The following CDK8 variants were observed in gnomAD, a reference collection of about 807,000 sequenced individuals.
The protein encoded by CDK8 is cyclin-dependent kinase 8.
In CDK8, 29 loss-of-function variants were observed where a neutral mutation model predicts 71.5. That is an observed-to-expected ratio of 0.41 (90% confidence interval 0.30 to 0.55). The LOEUF is 0.55. Among genes scored for constraint, CDK8 ranks in the 20% least tolerant of loss-of-function variants. The probability of loss-of-function intolerance (pLI) is 0.37; values close to 1 mark genes in which losing one functional copy is unlikely to be tolerated. For synonymous variants in CDK8, 161 were observed against 192.1 expected, an observed-to-expected ratio of 0.84 and a Z score of 1.34; for missense variants, 288 against 572.6, an observed-to-expected ratio of 0.50 and a Z score of 5.07.
At chr13:26,289,411 G>A (rs182629118) in intron 1 of CDK8, among the ~76,000 whole-genome samples, 1 of 151,892 alleles carries the variant, frequency 6.6e-6, no homozygotes, top group African/African-American at 2.4e-5. Flanking sequence ...TTTATACGTA[G>A]GTATTTGATG....
intron 1 of CDK8, among the ~76,000 whole-genome samples, chr13:26,336,658 A>G (rs986510567): frequency 2.7e-5 from 4 of 145,964 alleles, no homozygotes; most frequent in Middle Eastern, 3.9e-3. Flanking sequence ...GGTTCACGCC[A>G]TTCTCCTGCC....
chr13:26,279,894 T>C (rs1394664860), intron 1 of CDK8, among the ~76,000 whole-genome samples: 1 of 152,178 alleles, frequency 6.6e-6, no homozygotes, highest in Non-Finnish European at 1.5e-5. Context: ...GTCTAGAAAT[T>C]ACTTTTGTTT....
In CDK8 at chr13:26,400,595, G is replaced by A. The variant is rs199844240; in HGVS notation, c.1031+45G>A. The A allele has an allele frequency of 9.6e-6, 11 of 1,150,042 alleles. No individual in the cohort carries two copies. In the African/African-American group the frequency reaches 1.5e-4, roughly 16 times the overall value. 71.2% of individuals were successfully genotyped at this position (1,150,042 alleles called of 1,614,324 possible). ...AACTCATCAGCATGATGGAAGTTTT[G>A]GAGTATGCTTTCTTCTGCTTGTCAG... On this transcript the variant is annotated intron_variant, in intron 10 of 12. Coordinates refer to ENST00000381527, the MANE Select transcript of CDK8 (RefSeq NM_001260.3).
intron 10 of CDK8, among the ~76,000 whole-genome samples, chr13:26,400,827 C>T (rs370458696): frequency 6.6e-6 from 1 of 152,032 alleles, no homozygotes; most frequent in African/African-American, 2.4e-5. Flanking sequence ...TGCTGTAGCT[C>T]CTTACTGTCT....
intron 1 of CDK8, among the ~76,000 whole-genome samples, chr13:26,266,883 T>G (rs1284959241): frequency 6.6e-6 from 1 of 152,190 alleles, no homozygotes; most frequent in Non-Finnish European, 1.5e-5. Context: ...GGCTTTTTCT[T>G]TTTCTGATTA....
intron 1 of CDK8, among the ~76,000 whole-genome samples, chr13:26,293,108 A>G (rs1159790444): frequency 6.6e-6 from 1 of 152,058 alleles, no homozygotes; most frequent in Non-Finnish European, 1.5e-5. Context: ...TTATTTGATA[A>G]TTTCTCTTTT....
chr13:26,284,112 T>C (rs1872890463), intron 1 of CDK8, among the ~76,000 whole-genome samples: 1 of 152,152 alleles, frequency 6.6e-6, no homozygotes, highest in African/African-American at 2.4e-5. Context: ...GTGACACAAC[T>C]TACCAAACTT....
intron 1 of CDK8, among the ~76,000 whole-genome samples, chr13:26,287,115 C>T (rs934208571): frequency 2.0e-5 from 3 of 152,140 alleles, no homozygotes; most frequent in African/African-American, 7.2e-5. Context: ...ATAGAACTAC[C>T]ATTTGATCCA....
intron 2 of CDK8, among the ~76,000 whole-genome samples, chr13:26,343,632 T>C (rs1565979789): frequency 6.6e-6 from 1 of 152,184 alleles, no homozygotes; most frequent in East Asian, 1.9e-4. Flanking sequence ...AGGGTATCAG[T>C]GAGTAGTGAA....
intron 1 of CDK8, among the ~76,000 whole-genome samples, chr13:26,264,511 T>C (rs369957568): frequency 1.3e-5 from 2 of 152,180 alleles, no homozygotes; most frequent in African/African-American, 4.8e-5. Flanking sequence ...TGAATGTCTC[T>C]TATATGATTG....
chr13:26,299,356 T>C (rs1232826104), intron 1 of CDK8, among the ~76,000 whole-genome samples: 2 of 152,176 alleles, frequency 1.3e-5, no homozygotes, highest in East Asian at 1.9e-4. Context: ...GCAAACATTA[T>C]AGAGTAGTGT....
intron 6 of CDK8, among the ~76,000 whole-genome samples, chr13:26,387,895 G>A (rs372785319): frequency 6.6e-6 from 1 of 151,992 alleles, no homozygotes; most frequent in South Asian, 2.1e-4. Flanking sequence ...TGACTCAAAG[G>A]GTATCTAAAC....
rs367674660 is a variant in CDK8, at chr13:26,336,514, C to T, written c.129-1053C>T. On this transcript the variant is annotated intron_variant, in intron 1 of 12. Transcript: ENST00000381527. ...CTGGGACCAAAAGGTTTGAGAACAG[C>T]CATTTAGGCCTCAGATGGCATTTTC... is the stretch of plus-strand genomic sequence containing the variant. Among the ~76,000 whole-genome samples the T allele has an allele frequency of 2.1e-4, 31 of 150,978 alleles. No individual in the cohort carries two copies. In the East Asian group the frequency reaches 4.9e-3, roughly 24 times the overall value.
chr13:26,331,695 A>G (rs1875323387), intron 1 of CDK8, among the ~76,000 whole-genome samples: 1 of 152,158 alleles, frequency 6.6e-6, no homozygotes, highest in Admixed American at 6.5e-5. Context: ...TACCAATACC[A>G]TGCTGTTTTG....
intron 3 of CDK8, among the ~76,000 whole-genome samples, chr13:26,350,471 C>CA (rs1873639108): frequency 6.6e-6 from 1 of 151,146 alleles, no homozygotes; most frequent in African/African-American, 2.5e-5. Flanking sequence ...CCTGTCTCTG[C>CA]AAAAAATAAA....
chr13:26,278,490 G>T (rs553240968), intron 1 of CDK8, among the ~76,000 whole-genome samples: 118 of 152,184 alleles, frequency 7.8e-4, no homozygotes, highest in Non-Finnish European at 1.4e-3. Context: ...ATTAGTCTTT[G>T]TTTTTTGGCT....
intron 1 of CDK8, among the ~76,000 whole-genome samples, chr13:26,310,413 G>T (rs913523153): frequency 6.6e-6 from 1 of 152,132 alleles, no homozygotes; most frequent in Non-Finnish European, 1.5e-5. Context: ...GGTGGTTTTG[G>T]ATGATTCTAG....
intron 4 of CDK8, among the ~76,000 whole-genome samples, chr13:26,356,851 CTTTACCCCTG>C (rs935891174): frequency 2.6e-5 from 4 of 152,220 alleles, no homozygotes; most frequent in African/African-American, 9.6e-5. Flanking sequence ...TCATTATATT[CTTTACCCCTG>C]TTTAGTCAGA....
At position 26,254,917 on chromosome 13, in the gene CDK8, G is replaced by A; in HGVS notation, c.128+148G>A. 8.5e-7 allele frequency: 1 copy of A among 1,172,682 alleles called. No individual in the cohort carries two copies. Among genetic ancestry groups the A allele is most frequent in the Non-Finnish European group, 1.2e-6 (1 of 840,472 alleles). The allele number at this position is 1,172,682 out of a possible 1,614,324, so 72.6% of individuals were successfully genotyped here. On this transcript the variant is annotated intron_variant, in intron 1 of 12. Coordinates refer to ENST00000381527, the MANE Select transcript of CDK8 (RefSeq NM_001260.3). This position sits in a 1 kb window ranked among gnomAD's most constrained non-coding sequence, Gnocchi z 6.7. ...TGGCTCCGCCAGCCAGGTTTGGGGA[G>A]GAAGTGGTGTACGAGGGATCCAAAC...
Sources: gnomAD v4.1 joint callset for allele counts (sites outside exome capture counted in the v4.1 genomes callset) on GRCh38, gnomAD v4.1.1 for gene constraint, Gnocchi (gnomAD v3.1) non-coding constraint, MANE v1.5 for transcripts, NCBI Gene and HGNC (gene_info 2026-07-23, HGNC 2026-07-21) for gene names.